The following STAG2 variants were observed in gnomAD, a reference collection of about 807,000 sequenced individuals.
The protein encoded by STAG2 is cohesin subunit SA-2.
Under a neutral mutation model 108.1 loss-of-function variants are expected in STAG2, and 14 were observed. That is an observed-to-expected ratio of 0.13 (90% CI 0.09 to 0.20). STAG2 has a LOEUF of 0.20. Among genes scored for constraint, STAG2 ranks in the 10% least tolerant of loss-of-function variants. The pLI is 1.00. For missense variants in STAG2, 440 were observed against 940.9 expected, an observed-to-expected ratio of 0.47 and a Z score of 6.96; for synonymous variants, 307 against 302.7, an observed-to-expected ratio of 1.01 and a Z score of -0.15.
At chrX:124,059,349 T>C (rs1409378250) in intron 15 of STAG2, among the ~76,000 whole-genome samples, 1 of 112,177 alleles carries the variant, frequency 8.9e-6, no homozygotes, top group East Asian at 2.8e-4. Context: ...CCTGATCTTA[T>C]GGGAGAAGTG....
chrX:123,972,551 G>A (rs1177527889), intron 1 of STAG2, among the ~76,000 whole-genome samples: 8 of 109,670 alleles, frequency 7.3e-5, no homozygotes, highest in Non-Finnish European at 3.8e-5. Flanking sequence ...GATTACAGGC[G>A]TGAGCCACCG....
At chrX:124,065,391 T>C (rs1039705836) in intron 20 of STAG2, among the ~76,000 whole-genome samples, 1 of 111,592 alleles carries the variant, frequency 9.0e-6, no homozygotes, top group African/African-American at 3.3e-5. Flanking sequence ...AGTTGAAAAG[T>C]ATATTAATAG....
Position 124,034,000 on chromosome X carries a change from C to G in STAG2, c.288+2875C>G, listed in dbSNP as rs1405363083. 1.3e-4 allele frequency among the ~76,000 whole-genome samples: 15 copies of G among 111,302 alleles called. No individual in the cohort carries two copies. In the Admixed American group the frequency reaches 1.4e-3, roughly 11 times the overall value. On this transcript the variant is annotated intron_variant, in intron 5 of 34. Transcript: ENST00000371145. ...TTATTGCCATCTATAGGCTCCACTT[C>G]TTAATACCATAACATTGACTACAGT...
At chrX:123,998,587 C>CATCTATCTATCT (rs61659958) in intron 1 of STAG2, among the ~76,000 whole-genome samples, 3 of 88,387 alleles carry the variant, frequency 3.4e-5, no homozygotes, top group African/African-American at 4.0e-5. Flanking sequence ...TCTGTCTATC[C>CATCTATCTATCT]ATCTATCTAT....
At chrX:123,992,786 C>T (rs899777697) in intron 1 of STAG2, among the ~76,000 whole-genome samples, 4 of 111,022 alleles carry the variant, frequency 3.6e-5, no homozygotes, top group Admixed American at 9.7e-5. Flanking sequence ...GAGATCTGCC[C>T]GCCTTGGCCT....
In STAG2 at chrX:124,081,555, C is replaced by G. The variant is rs761851740; in HGVS notation, c.2924+27C>G. On this transcript the variant is annotated intron_variant, in intron 28 of 34. Coordinates refer to ENST00000371145, the MANE Select transcript of STAG2 (RefSeq NM_001042750.2). ...TAATCTCCAGATATTTTATTCAGCT[C>G]TCATATTTTTTAGTCATGAAACTTT... 5 of 1,112,802 alleles carry G rather than the reference C, an allele frequency of 4.5e-6. No homozygotes were observed. The African/African-American group carries it at 7.4e-5, about 17-fold the overall frequency. 91.7% of individuals were successfully genotyped at this position (1,112,802 alleles called of 1,213,427 possible).
intron 1 of STAG2, among the ~76,000 whole-genome samples, chrX:123,991,861 T>TAGTAGAGA (rs571257854): frequency 0.034 from 3,718 of 110,662 alleles, 63 homozygotes; most frequent in Non-Finnish European, 0.048. Context: ...ACGGGGTTTT[T>TAGTAGAGA]CCCTGTTGGT....
intron 1 of STAG2, among the ~76,000 whole-genome samples, chrX:124,003,160 G>T (rs2056130703): frequency 9.2e-6 from 1 of 109,265 alleles, no homozygotes. Flanking sequence ...TAGAGACAGG[G>T]TTTCACCATG....
chrX:124,049,361 G>T (rs2057970183), intron 10 of STAG2, among the ~76,000 whole-genome samples: 1 of 111,720 alleles, frequency 9.0e-6, no homozygotes, highest in African/African-American at 3.3e-5. Context: ...GCCTTTGGAT[G>T]CACTATGTTA....
chrX:124,028,983 A>T (rs1473956065), intron 4 of STAG2, among the ~76,000 whole-genome samples: 12 of 78,186 alleles, frequency 1.5e-4, no homozygotes, highest in Admixed American at 4.2e-4. Context: ...ATTTATTTTT[A>T]TTTATATATA....
chrX:124,047,511 C>G lies in STAG2; in HGVS notation c.819+6C>G. On this transcript the variant is annotated splice_donor_region_variant and intron_variant, in intron 9 of 34. Coordinates refer to ENST00000371145, the MANE Select transcript of STAG2 (RefSeq NM_001042750.2). ...TGCTACAAAAGCGGAAAGAGGTAAA[C>G]TTTTATATTGAATATTTAGGCTATT... 1 of 1,200,815 alleles carries G rather than the reference C, an allele frequency of 8.3e-7. No individual in the cohort carries two copies. The highest frequency in any genetic ancestry group is 1.1e-6 in the Non-Finnish European group (1 of 890,180).
At chrX:124,062,183 A>G (rs2058400604) in intron 17 of STAG2, among the ~76,000 whole-genome samples, 1 of 111,713 alleles carries the variant, frequency 9.0e-6, no homozygotes, top group African/African-American at 3.2e-5. Flanking sequence ...TATTTCTTCT[A>G]AAATAAAATC....
At chrX:124,084,297 G>A (rs2059039957) in intron 29 of STAG2, among the ~76,000 whole-genome samples, 1 of 110,709 alleles carries the variant, frequency 9.0e-6, no homozygotes. Flanking sequence ...TCTAGTGTTG[G>A]AGAGTTTGAA....
rs1444348926 is a variant in STAG2 at position 124,081,512 on chromosome X, A to G, written c.2908A>G (p.Ile970Val). 2 of 1,183,930 alleles carry G rather than the reference A, an allele frequency of 1.7e-6. No individual in the cohort carries two copies. The highest frequency in any genetic ancestry group is 2.0e-5 in the South Asian group (1 of 50,978). ...GLDQLKTREAIAMLHKDGIEF... is the reference protein window; with the variant it reads ...GLDQLKTREAVAMLHKDGIEF... ...TGATCAGTTGAAAACAAGAGAAGCC[A>G]TTGCCATGCTACACAAGTAATCTCC... is the stretch of plus-strand genomic sequence containing the variant. Residue 970 changes from isoleucine (I) to valine (V), a missense_variant, in exon 28 of 35, where the codon ATT (isoleucine) becomes GTT (valine). Transcript: ENST00000371145.
intron 7 of STAG2, among the ~76,000 whole-genome samples, chrX:124,043,962 C>T (rs921234075): frequency 9.0e-6 from 1 of 111,328 alleles, no homozygotes; most frequent in African/African-American, 3.3e-5. Context: ...CAAAATTTTT[C>T]GCTGTGGGTT....
At chrX:124,095,558 C>A in intron 34 of STAG2, 109 bp downstream of exon 34, 2 of 572,833 alleles carry the variant, frequency 3.5e-6, no homozygotes, top group Non-Finnish European at 5.7e-6. Flanking sequence ...ATGAAAACAG[C>A]TGGATGTGAG....
chrX:123,977,901 G>A (rs1441568857), intron 1 of STAG2, among the ~76,000 whole-genome samples: 1 of 94,729 alleles, frequency 1.1e-5, no homozygotes, highest in Non-Finnish European at 2.1e-5. Flanking sequence ...GAGTGCAAGT[G>A]GCACTATCAT....
Position 124,094,014 on chromosome X carries a change from C to T in STAG2, c.3579-4C>T, listed in dbSNP as rs750698753. 1 of 1,209,765 alleles carries T rather than the reference C, an allele frequency of 8.3e-7. No homozygotes were observed. Among genetic ancestry groups the T allele is most frequent in the African/African-American group, 1.7e-5 (1 of 57,588 alleles). ...GATCTTGACTTTGTTTTATATTTCT[C>T]TAGTCGGCGTGGCACAAGCCTAATG... is the stretch of plus-strand genomic sequence containing the variant. On this transcript the variant is annotated splice_region_variant and splice_polypyrimidine_tract_variant and intron_variant, in intron 32 of 34. Coordinates refer to ENST00000371145, the MANE Select transcript of STAG2 (RefSeq NM_001042750.2).
At chrX:124,025,130 T>C (rs5910053) in intron 3 of STAG2, among the ~76,000 whole-genome samples, 11,071 of 110,771 alleles carry the variant, frequency 0.1, 583 homozygotes, top group East Asian at 0.35. Context: ...GTAGAGACTT[T>C]AGAGATTTCG....
Sources: allele counts gnomAD v4.1 joint callset (sites outside exome capture counted in the v4.1 genomes callset), GRCh38; gene constraint gnomAD v4.1.1; transcripts MANE v1.5; gene names NCBI Gene and HGNC (gene_info 2026-07-23, HGNC 2026-07-21).